TBC1D19: variants seen among roughly 807,000 people sequenced by gnomAD.
TBC1D19 encodes the protein TBC1 domain family member 19, also known as TBC1 domain family, member 19.
TBC1D19 carries 60 observed loss-of-function variants against 89.0 expected under a neutral mutation model. The observed-to-expected ratio is 0.67, with a 90% CI of 0.55 to 0.84. The LOEUF (loss-of-function observed/expected upper bound fraction) is 0.84, where lower values mean the gene tolerates loss of function less well. Among genes scored for constraint, TBC1D19 ranks in the 40% least tolerant of loss-of-function variants. The pLI is 0.00. For synonymous variants in TBC1D19, 189 were observed against 199.7 expected (o/e 0.95, Z 0.45); for missense variants, 500 against 610.8 (o/e 0.82, Z 1.91).
the TBC1D19 span, among the ~76,000 whole-genome samples, chr4:26,793,836 T>C: frequency 6.6e-6 from 1 of 152,230 alleles, no homozygotes; most frequent in Non-Finnish European, 1.5e-5. Context: ...AGATAGCCTC[T>C]GACAGTTCCG....
the TBC1D19 span, among the ~76,000 whole-genome samples, chr4:26,824,047 A>C: frequency 6.6e-6 from 1 of 152,214 alleles, no homozygotes; most frequent in Admixed American, 6.5e-5. Context: ...TGGGTGCATG[A>C]TCCCAAGATG....
chr4:26,604,244 G>A (rs1183882425), intron 1 of TBC1D19, among the ~76,000 whole-genome samples: 2 of 143,238 alleles, frequency 1.4e-5, no homozygotes, highest in African/African-American at 5.3e-5. Context: ...AGCTCTGCCT[G>A]TCGGGTTCAC....
chr4:26,607,882 A>G (rs1741110846), intron 1 of TBC1D19, among the ~76,000 whole-genome samples: 1 of 152,186 alleles, frequency 6.6e-6, no homozygotes, highest in African/African-American at 2.4e-5. Context: ...GGGCTTGCAC[A>G]TGTGTGCTTG....
chr4:26,722,705 G>A (rs1168571342), intron 15 of TBC1D19, among the ~76,000 whole-genome samples: 1 of 152,142 alleles, frequency 6.6e-6, no homozygotes. Flanking sequence ...AGTAATAATT[G>A]TAACAGTATA....
At chr4:26,741,907 T>C (rs1270687869) in intron 17 of TBC1D19, among the ~76,000 whole-genome samples, 1 of 152,248 alleles carries the variant, frequency 6.6e-6, no homozygotes, top group East Asian at 1.9e-4. Flanking sequence ...CAGTAGATTT[T>C]AGTTTTAAAA....
intron 9 of TBC1D19, 126 bp from the exon 10 acceptor site, chr4:26,672,023 T>A: frequency 2.4e-6 from 1 of 413,942 alleles, no homozygotes; most frequent in Non-Finnish European, 3.9e-6. Flanking sequence ...TCTTTAGTTT[T>A]CTGTAGAGCC....
At chr4:26,776,085 C>T in the TBC1D19 span, among the ~76,000 whole-genome samples, 1 of 152,036 alleles carries the variant, frequency 6.6e-6, no homozygotes, top group Non-Finnish European at 1.5e-5. Context: ...CACTTTCTAC[C>T]CAAAACCTGA....
At chr4:26,729,202 G>A (rs1272077809) in intron 15 of TBC1D19, among the ~76,000 whole-genome samples, 1 of 152,168 alleles carries the variant, frequency 6.6e-6, no homozygotes, top group Non-Finnish European at 1.5e-5. Context: ...AAGCTCAGCA[G>A]GTTTGATGAC....
chr4:26,719,133 G>T (rs1716823366), intron 14 of TBC1D19, among the ~76,000 whole-genome samples: 1 of 152,010 alleles, frequency 6.6e-6, no homozygotes, highest in Admixed American at 6.6e-5. Context: ...ATGTTTCATG[G>T]TTTAGTCTGG....
chr4:26,672,212 T>C (rs747512380), intron 10 of TBC1D19, 25 bp downstream of exon 10: 27 of 1,316,318 alleles, frequency 2.1e-5, no homozygotes, highest in Non-Finnish European at 2.4e-5. Flanking sequence ...ATAAATGTTA[T>C]TATTTCTGAA....
At chr4:26,576,838 C>T (rs775940617) in intron 1 of TBC1D19, 3 of 456,138 alleles carry the variant, frequency 6.6e-6, no homozygotes, top group South Asian at 4.6e-5. Context: ...AGGTAAAGGG[C>T]TATGTCATGA....
chr4:26,803,633 T>C, the TBC1D19 span, among the ~76,000 whole-genome samples: 1 of 152,112 alleles, frequency 6.6e-6, no homozygotes, highest in Admixed American at 6.5e-5. Flanking sequence ...GAATCAGCCC[T>C]GAGGTCGCGC....
the TBC1D19 span, among the ~76,000 whole-genome samples, chr4:26,831,401 A>G: frequency 2.6e-5 from 4 of 152,020 alleles, no homozygotes; most frequent in Non-Finnish European, 1.5e-5. Flanking sequence ...CAACTACACA[A>G]CTCTGCTGTT....
At chr4:26,673,947 C>G in intron 11 of TBC1D19, 59 bp downstream of exon 11, 2 of 1,019,280 alleles carry the variant, frequency 2.0e-6, no homozygotes, top group Non-Finnish European at 2.8e-6. Flanking sequence ...TTTTCAAAGA[C>G]CAGTTATTCA....
upstream of TBC1D19, among the ~76,000 whole-genome samples, chr4:26,582,678 G>T (rs143323215): frequency 5.9e-5 from 9 of 152,328 alleles, no homozygotes; most frequent in East Asian, 1.7e-3. Flanking sequence ...AGTTGTGAGA[G>T]AATGTTTTGT....
At chr4:26,620,464 A>G (rs1418286487) in intron 3 of TBC1D19, 149 bp from the exon 4 acceptor site, 1 of 640,362 alleles carries the variant, frequency 1.6e-6, no homozygotes, top group South Asian at 2.4e-5. Context: ...TGTTGACTAC[A>G]TCAATCTATT....
chr4:26,677,755 C>T (rs897762771), intron 11 of TBC1D19, among the ~76,000 whole-genome samples: 5 of 152,106 alleles, frequency 3.3e-5, no homozygotes, highest in East Asian at 1.9e-4. Flanking sequence ...TGAGTTCTCA[C>T]GAGATCTGAT....
At chr4:26,857,831 G>A in the TBC1D19 span, 6 of 152,512 alleles carry the variant, frequency 3.9e-5, no homozygotes, top group African/African-American at 1.4e-4. Context: ...GGGAAGGGCA[G>A]GCTTGCCTCT....
chr4:26,808,432 T>C, the TBC1D19 span, among the ~76,000 whole-genome samples: 8 of 152,178 alleles, frequency 5.3e-5, no homozygotes, highest in Non-Finnish European at 8.8e-5. Context: ...ATCATTATTA[T>C]ATTAAGAAAT....
Sources: gnomAD v4.1 joint callset for allele counts (sites outside exome capture counted in the v4.1 genomes callset) on GRCh38, gnomAD v4.1.1 for gene constraint, MANE v1.5 for transcripts, NCBI Gene and HGNC (gene_info 2026-07-23, HGNC 2026-07-21) for gene names.